Variants in ZC3H3 observed in about 807,000 individuals in gnomAD.
ZC3H3 encodes the protein zinc finger CCCH-type containing 3, also known as zinc finger CCCH domain-containing protein 3.
In ZC3H3, 36 loss-of-function variants were observed where a neutral mutation model predicts 77.3. The observed-to-expected ratio is 0.47, with a 90% CI of 0.36 to 0.61. The LOEUF is 0.61. ZC3H3 is among the 20% of genes least tolerant of loss of function. ZC3H3 has a pLI of 0.00. For missense variants in ZC3H3, 1,331 were observed against 1,312.2 expected (o/e 1.01, Z -0.22); for synonymous variants, 626 against 555.2 (o/e 1.13, Z -1.79).
intron 3 of ZC3H3, among the ~76,000 whole-genome samples, chr8:143,516,434 C>T (rs925616405): frequency 6.6e-6 from 1 of 152,072 alleles, no homozygotes; most frequent in African/African-American, 2.4e-5. Flanking sequence ...GAGACCTGCT[C>T]GCTGCCCCCA....
chr8:143,461,535 G>T (rs1586886240), intron 9 of ZC3H3, among the ~76,000 whole-genome samples: 1 of 152,274 alleles, frequency 6.6e-6, no homozygotes, highest in South Asian at 2.1e-4. Context: ...AAAAGCATCG[G>T]CCACACAAAG....
chr8:143,509,431 C>T (rs531637614), intron 3 of ZC3H3, among the ~76,000 whole-genome samples: 174 of 152,348 alleles, frequency 1.1e-3, no homozygotes, highest in African/African-American at 3.9e-3. Flanking sequence ...CTGGGCCAAG[C>T]TGGGGGCCAG....
At chr8:143,472,046 C>T (rs181210673) in intron 5 of ZC3H3, among the ~76,000 whole-genome samples, 45 of 152,348 alleles carry the variant, frequency 3.0e-4, no homozygotes, top group Middle Eastern at 3.4e-3. Flanking sequence ...AGCGGGACAC[C>T]GGAGGCCATA....
At chr8:143,528,368 C>T (rs965718494) in intron 3 of ZC3H3, among the ~76,000 whole-genome samples, 5 of 152,236 alleles carry the variant, frequency 3.3e-5, no homozygotes, top group African/African-American at 7.2e-5. Context: ...GGCCAGGCAG[C>T]GACAGACACC....
chr8:143,447,554 G>A (rs1369048672), intron 9 of ZC3H3, among the ~76,000 whole-genome samples: 13 of 152,152 alleles, frequency 8.5e-5, no homozygotes, highest in Admixed American at 6.5e-4. Flanking sequence ...GTCCATTCTC[G>A]CACTGCTATA....
intron 4 of ZC3H3, among the ~76,000 whole-genome samples, chr8:143,500,369 T>C (rs73715638): frequency 0.028 from 4,256 of 152,198 alleles, 180 homozygotes; most frequent in African/African-American, 0.096. Context: ...TGACACCCCT[T>C]TGGTGTCTAG....
chr8:143,487,880 C>G (rs374154130), intron 4 of ZC3H3, among the ~76,000 whole-genome samples: 4 of 7,082 alleles, frequency 5.6e-4, no homozygotes, highest in Non-Finnish European at 6.9e-4. Context: ...ACGAAGCTCA[C>G]ACACAGAACA....
intron 9 of ZC3H3, among the ~76,000 whole-genome samples, chr8:143,442,706 G>C (rs187532713): frequency 6.6e-6 from 1 of 152,230 alleles, no homozygotes; most frequent in African/African-American, 2.4e-5. Context: ...CTGAGGTGTG[G>C]GTGTTGGTGT....
At chr8:143,483,112 G>C (rs1044062716) in intron 4 of ZC3H3, among the ~76,000 whole-genome samples, 2 of 152,364 alleles carry the variant, frequency 1.3e-5, no homozygotes, top group African/African-American at 2.4e-5. Context: ...GAGCCCGAGC[G>C]GGGAGTGCGA....
chr8:143,499,974 G>GC (rs1358479919), intron 4 of ZC3H3, among the ~76,000 whole-genome samples: 4 of 152,012 alleles, frequency 2.6e-5, no homozygotes, highest in Non-Finnish European at 2.9e-5. Flanking sequence ...ATAACCCCTG[G>GC]CCCCCCACCA....
chr8:143,440,275 G>T lies in ZC3H3; in HGVS notation c.2581C>A (p.Pro861Thr). The part of the protein sequence containing the change: ...AAAVAAPPHC[P>T]GGSASPSSSK... ...GATGAGGGAGAGGCTGACCCCCCTG[G>T]GCAGTGGGGAGGTGCAGCCACGGCA... Residue 861 changes from proline to threonine, a missense_variant, in exon 11 of 12, where the codon CCA becomes ACA. Around this residue, in one of 3 missense-constraint regions of ZC3H3, gnomAD observed 249 missense variants for 236.9 expected, o/e 1.05. Coordinates refer to ENST00000262577, the MANE Select transcript of ZC3H3 (RefSeq NM_015117.3). 1 of 1,582,318 alleles carries T rather than the reference G, an allele frequency of 6.3e-7. No individual in the cohort carries two copies. The highest frequency in any genetic ancestry group is 8.6e-7 in the Non-Finnish European group (1 of 1,163,226).
rs1822568857 is a variant in ZC3H3, at chr8:143,530,526, T to C, written c.1561+5731A>G. Among the ~76,000 whole-genome samples, 1 of 150,530 alleles carries C rather than the reference T, an allele frequency of 6.6e-6. No individual in the cohort carries two copies. The highest frequency in any genetic ancestry group is 1.5e-5 in the Non-Finnish European group (1 of 67,678). On this transcript the variant is annotated intron_variant, in intron 3 of 11. Transcript: ENST00000262577. The surrounding 1 kb of genome is among the most constrained non-coding windows in gnomAD (Gnocchi z 4.3). ...GCTCCCCAGCCTGGGCACAGGGTGG[T>C]GGGTGGGAGAGCTGGCCCTCACTCC...
At chr8:143,518,495 G>A (rs985826732) in intron 3 of ZC3H3, among the ~76,000 whole-genome samples, 2 of 152,230 alleles carry the variant, frequency 1.3e-5, no homozygotes, top group African/African-American at 4.8e-5. Context: ...GAGAAACGAC[G>A]TGTCCCGCTC....
At chr8:143,539,876 T>C (rs1205339717) in intron 1 of ZC3H3, among the ~76,000 whole-genome samples, 1 of 152,204 alleles carries the variant, frequency 6.6e-6, no homozygotes, top group African/African-American at 2.4e-5. Context: ...AGAGGAAACA[T>C]CAATGGGCTA....
At position 143,440,205 on chromosome 8, in the gene ZC3H3, G is replaced by A. The variant is rs1011247746; in HGVS notation, c.2651C>T (p.Ala884Val). 1.2e-6 allele frequency: 2 copies of A among 1,610,658 alleles called. No homozygotes were observed. The highest frequency in any genetic ancestry group is 2.7e-5 in the African/African-American group (2 of 74,860). Residue 884 changes from alanine (A) to valine (V), a missense_variant, in exon 11 of 12, where the codon GCT becomes GTT. Physicochemically the swap from Ala to Val is moderately conservative, Grantham distance 64 (BLOSUM62 0). Coordinates refer to ENST00000262577, the MANE Select transcript of ZC3H3 (RefSeq NM_015117.3). The part of the protein sequence containing the change: ...SSSSSSSSPP[A>V]SLDHEAPSLQ... ...AGATGGTGCCTCGTGGTCCAAGGAA[G>A]CGGGAGGGGATGAGGAGGAGGAGGA...
In ZC3H3 at chr8:143,452,514, C is replaced by T. The variant is rs548434401; in HGVS notation, c.2308-11394G>A. On this transcript the variant is annotated intron_variant, in intron 9 of 11. Transcript: ENST00000262577. ...GCTCGGTGAAGAGGGGCAGCGCCAA[C>T]GCTGACAGACAGGGCGTCAGAATTA... Among the ~76,000 whole-genome samples, 5 of 152,286 alleles carry T rather than the reference C, an allele frequency of 3.3e-5. No homozygotes were observed. In the South Asian group the frequency reaches 6.2e-4, roughly 19 times the overall value.
chr8:143,442,187 G>A (rs1819759566), intron 9 of ZC3H3, among the ~76,000 whole-genome samples: 1 of 151,950 alleles, frequency 6.6e-6, no homozygotes, highest in Non-Finnish European at 1.5e-5. Context: ...TACCTTCCCT[G>A]GATCCTGTGG....
intron 9 of ZC3H3, among the ~76,000 whole-genome samples, chr8:143,442,555 G>A (rs941536691): frequency 3.9e-5 from 6 of 152,164 alleles, no homozygotes; most frequent in African/African-American, 1.4e-4. Flanking sequence ...TCACAAAGGG[G>A]CAGGACTGCA....
intron 3 of ZC3H3, among the ~76,000 whole-genome samples, chr8:143,527,912 G>C (rs1375853522): frequency 6.6e-6 from 1 of 152,222 alleles, no homozygotes; most frequent in Non-Finnish European, 1.5e-5. Flanking sequence ...AAGGAGAACG[G>C]GCAGACAGGG....
Sources: gnomAD v4.1 joint callset for allele counts (sites outside exome capture counted in the v4.1 genomes callset) on GRCh38, gnomAD v4.1.1 for gene constraint, gnomAD v4.1.1 regional missense constraint, Gnocchi (gnomAD v3.1) non-coding constraint, MANE v1.5 for transcripts, NCBI Gene and HGNC (gene_info 2026-07-23, HGNC 2026-07-21) for gene names.